E2F8: variants seen among roughly 807,000 people sequenced by gnomAD.
The protein encoded by E2F8 is E2F transcription factor 8.
In E2F8, 35 loss-of-function variants were observed where a neutral mutation model predicts 80.8. The ratio of observed to expected loss-of-function variants is 0.43; its 90% confidence interval spans 0.33 to 0.57. The LOEUF (loss-of-function observed/expected upper bound fraction) is 0.57. Ranked by LOEUF, E2F8 falls within the 20% of genes least tolerant of loss-of-function variation. The probability of loss-of-function intolerance (pLI) is 0.04; values close to 1 mark genes in which losing one functional copy is unlikely to be tolerated. For missense variants in E2F8, 975 were observed against 1,056.2 expected, an observed-to-expected ratio of 0.92 and a Z score of 1.07; for synonymous variants, 386 against 395.0, an observed-to-expected ratio of 0.98 and a Z score of 0.27.
At chr11:19,231,757 T>C (rs1851388880) in intron 7 of E2F8, among the ~76,000 whole-genome samples, 1 of 152,204 alleles carries the variant, frequency 6.6e-6, no homozygotes, top group Non-Finnish European at 1.5e-5. Context: ...ACATACAGAT[T>C]GTACTTCTTG....
At chr11:19,235,941 T>C (rs973054058) in intron 4 of E2F8, among the ~76,000 whole-genome samples, 8 of 152,224 alleles carry the variant, frequency 5.3e-5, no homozygotes, top group African/African-American at 1.9e-4. Context: ...GCTTACTTTC[T>C]AGCTATCATT....
chr11:19,230,824 T>C lies in E2F8; in HGVS notation c.1077A>G (p.Pro359=). ...AATCAGAGGGAGTAAAATGAATGAC[T>C]GGGCTGGAGCCTGAAACAGAAAACG... ...EISPNTSGSS[P]VIHFTPSDLE... The change falls in exon 8 of 13, where the codon CCA becomes CCG. Residue 359 remains proline (P), a synonymous_variant. Coordinates refer to ENST00000250024, the MANE Select transcript of E2F8 (RefSeq NM_024680.4). 4 of 1,614,080 alleles carry C rather than the reference T, an allele frequency of 2.5e-6. No individual in the cohort carries two copies. The South Asian group carries it at 3.3e-5, about 13-fold the overall frequency.
At chr11:19,235,122 T>C (rs1376493701) in intron 4 of E2F8, 64 bp from the exon 5 acceptor site, 1 of 1,425,788 alleles carries the variant, frequency 7.0e-7, no homozygotes, top group East Asian at 2.4e-5. Flanking sequence ...GAATAGCTTT[T>C]TCTTCCATTG....
At position 19,224,698 on chromosome 11, in the gene E2F8, G is replaced by A. The variant is rs770618175; in HGVS notation, c.2564C>T (p.Pro855Leu). The change falls in exon 13 of 13, where the codon CCA (proline) becomes CTA (leucine). Residue 855 changes from proline to leucine, a missense_variant. Transcript: ENST00000250024. ...TGTTGAGACTTCCAGTTTTCGCTGT[G>A]GGACAAAGAGAGTTCCTAAGGAGGT... ...NKTSLGTLFV[P>L]QRKLEVSTED... 6.2e-7 allele frequency: 1 copy of A among 1,614,176 alleles called. No individual in the cohort carries two copies. The highest frequency in any genetic ancestry group is 8.5e-7 in the Non-Finnish European group (1 of 1,180,030).
At position 19,224,828 on chromosome 11, in the gene E2F8, T is replaced by A; in HGVS notation, c.2434A>T (p.Thr812Ser). ...VTGAQQPVPV[T>S]PKGSQLVAES... Reference sequence around the variant, plus strand: ...GCCACTAATTGTGACCCTTTGGGTGTCACAGGAACAGGCTGATTGGAAAGA... The same window carrying A: ...GCCACTAATTGTGACCCTTTGGGTGACACAGGAACAGGCTGATTGGAAAGA... Residue 812 changes from threonine (T) to serine (S), a missense_variant, in exon 13 of 13, where the codon ACA becomes TCA. Coordinates refer to ENST00000250024, the MANE Select transcript of E2F8 (RefSeq NM_024680.4). 6.2e-7 allele frequency: 1 copy of A among 1,614,154 alleles called. No individual in the cohort carries two copies. The highest frequency in any genetic ancestry group is 8.5e-7 in the Non-Finnish European group (1 of 1,180,034).
intron 8 of E2F8, 101 bp downstream of exon 8, chr11:19,230,530 G>T: frequency 7.3e-7 from 1 of 1,377,018 alleles, no homozygotes; most frequent in Non-Finnish European, 1.0e-6. Context: ...TATAGATATT[G>T]AAATAATTCT....
intron 4 of E2F8, among the ~76,000 whole-genome samples, 185 bp downstream of exon 4, chr11:19,237,129 G>C (rs999301219): frequency 1.3e-5 from 2 of 152,160 alleles, no homozygotes; most frequent in African/African-American, 4.8e-5. Flanking sequence ...TCCAAGATTT[G>C]CTGAAATTTG....
intron 3 of E2F8, 93 bp downstream of exon 3, chr11:19,237,761 T>A (rs1210588148): frequency 6.7e-6 from 10 of 1,482,496 alleles, no homozygotes; most frequent in Non-Finnish European, 8.2e-6. Context: ...CGGGTGGTGA[T>A]GCTTTAAATT....
Position 19,229,342 on chromosome 11 carries a change from C to T in E2F8, c.1893+112G>A. On this transcript the variant is annotated intron_variant, in intron 10 of 12. Transcript: ENST00000250024. The surrounding 1 kb of genome is among the most constrained non-coding windows in gnomAD (Gnocchi z 4.3). The stretch of plus-strand genomic sequence containing the variant: ...ACTTGGATTATGGGATGCTAAGGAA[C>T]AGTTCCTTGTCTTCTGAGAGAATGC... 2 of 1,416,348 alleles carry T rather than the reference C, an allele frequency of 1.4e-6. No individual in the cohort carries two copies. The highest frequency in any genetic ancestry group is 1.9e-6 in the Non-Finnish European group (2 of 1,045,904). The allele number at this position is 1,416,348 out of a possible 1,614,324, so 87.7% of individuals were successfully genotyped here.
At chr11:19,239,325 C>G (rs1181850400) in intron 2 of E2F8, among the ~76,000 whole-genome samples, 1 of 152,148 alleles carries the variant, frequency 6.6e-6, no homozygotes, top group Non-Finnish European at 1.5e-5. Flanking sequence ...AACAGGAGCT[C>G]CTTGCCAGTG....
Position 19,234,752 on chromosome 11 carries a change from A to C in E2F8, c.758T>G (p.Phe253Cys), listed in dbSNP as rs569729834. Residue 253 changes from phenylalanine to cysteine, a missense_variant, in exon 5 of 13, where the codon TTT becomes TGT. Phe to Cys is a radical substitution (Grantham distance 205). Coordinates refer to ENST00000250024, the MANE Select transcript of E2F8 (RefSeq NM_024680.4). ...MCFVELPGVE[F>C]RAASVNSRKD... Reference sequence around the variant, plus strand: ...TCACTACCATCTCTCACCTGCCCGAAATTCCACTCCAGGGAGTTCCACAAA... The same window carrying C: ...TCACTACCATCTCTCACCTGCCCGACATTCCACTCCAGGGAGTTCCACAAA... 64 of 1,609,954 alleles carry C rather than the reference A, an allele frequency of 4.0e-5. 1 individual carries two copies. In the South Asian group the frequency reaches 7.0e-4, roughly 17 times the overall value.
chr11:19,233,102 G>A (rs755202562), intron 6 of E2F8, among the ~76,000 whole-genome samples: 2 of 152,078 alleles, frequency 1.3e-5, no homozygotes, highest in African/African-American at 2.4e-5. Context: ...AAAACTATCC[G>A]GTGACTCACA....
intron 6 of E2F8, among the ~76,000 whole-genome samples, chr11:19,233,031 T>C (rs570800575): frequency 6.6e-6 from 1 of 152,288 alleles, no homozygotes; most frequent in South Asian, 2.1e-4. Flanking sequence ...TTCAGTAACT[T>C]ACACCTCTGC....
In E2F8 at chr11:19,238,112, T is replaced by C. The variant is rs1437455293; in HGVS notation, c.36A>G (p.Pro12=). 1 of 1,609,880 alleles carries C rather than the reference T, an allele frequency of 6.2e-7. No homozygotes were observed. Among genetic ancestry groups the C allele is most frequent in the Non-Finnish European group, 8.5e-7 (1 of 1,178,432 alleles). The change falls in exon 3 of 13, where the codon CCA becomes CCG. Residue 12 remains proline, a synonymous_variant. Coordinates refer to ENST00000250024, the MANE Select transcript of E2F8 (RefSeq NM_024680.4). ...GTGTTTTCATTAGTCCCCTTTTATG[T>C]GGCTCACAAAAGAGATTTTCCTGGT... is the stretch of plus-strand genomic sequence containing the variant. ...ENEKENLFCE[P]HKRGLMKTPL...
chr11:19,230,965 G>C, intron 7 of E2F8, 131 bp from the exon 8 acceptor site: 1 of 731,832 alleles, frequency 1.4e-6, no homozygotes, highest in South Asian at 1.9e-5. Context: ...ACTGTTCTAA[G>C]GGCTTTACAG....
intron 10 of E2F8, 33 bp from the exon 11 acceptor site, chr11:19,225,897 C>T: frequency 6.2e-7 from 1 of 1,600,272 alleles, no homozygotes; most frequent in Non-Finnish European, 8.5e-7. Context: ...TTATTTTACA[C>T]ACAAATACAG....
chr11:19,236,478 G>A (rs921725223), intron 4 of E2F8, among the ~76,000 whole-genome samples: 5 of 152,030 alleles, frequency 3.3e-5, no homozygotes, highest in Admixed American at 1.3e-4. Context: ...TTTTGTTTAC[G>A]GATGTATCCC....
upstream of E2F8, chr11:19,241,395 C>G (rs1158789605): frequency 6.5e-6 from 1 of 153,562 alleles, no homozygotes; most frequent in African/African-American, 2.4e-5. This position sits in a 1 kb window ranked among gnomAD's most constrained non-coding sequence, Gnocchi z 4.5. Flanking sequence ...CGCCCCTCTG[C>G]GTCCCGCTGA....
chr11:19,237,556 C>A, intron 3 of E2F8, 86 bp from the exon 4 acceptor site: 1 of 1,381,834 alleles, frequency 7.2e-7, no homozygotes, highest in South Asian at 1.4e-5. Context: ...TGACTGACAC[C>A]AACTTACACA....
Sources: gnomAD v4.1 joint callset for allele counts (sites outside exome capture counted in the v4.1 genomes callset) on GRCh38, gnomAD v4.1.1 for gene constraint, Gnocchi (gnomAD v3.1) non-coding constraint, MANE v1.5 for transcripts, NCBI Gene and HGNC (gene_info 2026-07-23, HGNC 2026-07-21) for gene names.